KAZN: variants seen among roughly 807,000 people sequenced by gnomAD.
The protein encoded by KAZN is kazrin.
Under a neutral mutation model 87.4 loss-of-function variants are expected in KAZN, and 40 were observed. The observed-to-expected ratio is 0.46, with a 90% CI of 0.36 to 0.60. The LOEUF is 0.60. KAZN is among the 20% of genes least tolerant of loss of function. The probability of loss-of-function intolerance (pLI) is 0.00; values close to 1 mark genes in which losing one functional copy is unlikely to be tolerated. For missense variants in KAZN, 898 were observed against 1,073.9 expected, an observed-to-expected ratio of 0.84 and a Z score of 2.29; for synonymous variants, 466 against 458.3, an observed-to-expected ratio of 1.02 and a Z score of -0.22.
At chr1:14,055,356 A>G (rs1418461083) in intron 1 of KAZN, among the ~76,000 whole-genome samples, 2 of 152,192 alleles carry the variant, frequency 1.3e-5, no homozygotes, top group Non-Finnish European at 2.9e-5. Context: ...CTGACACATG[A>G]TTTAGAATAG....
At chr1:14,080,844 C>G (rs759934768) in intron 1 of KAZN, among the ~76,000 whole-genome samples, 1 of 152,136 alleles carries the variant, frequency 6.6e-6, no homozygotes, top group Non-Finnish European at 1.5e-5. Context: ...AAGTTTGACC[C>G]CCCCAGGGAA....
In KAZN at chr1:14,198,355, T is replaced by A. The variant is rs147189191; in HGVS notation, c.249+17763T>A. Among the ~76,000 whole-genome samples, 261 of 152,262 alleles carry A rather than the reference T, an allele frequency of 1.7e-3. 2 individuals carry two copies. The East Asian group carries it at 0.028, about 17-fold the overall frequency. On this transcript the variant is annotated intron_variant, in intron 2 of 16. Transcript: ENST00000636203. ...TGGCTCACACCTGTAATCCCAGCACTTTGGGAGGCTGAGGTGGGAGAATCA... is the reference window on the plus strand; with the variant it reads ...TGGCTCACACCTGTAATCCCAGCACATTGGGAGGCTGAGGTGGGAGAATCA...
intron 2 of KAZN, among the ~76,000 whole-genome samples, chr1:14,256,435 G>T (rs1650520100): frequency 1.3e-5 from 2 of 152,048 alleles, no homozygotes; most frequent in Admixed American, 1.3e-4. Context: ...AAGAAGGAAG[G>T]GAGAAAGTGA....
At chr1:14,746,680 A>T (rs892173578) in intron 1 of KAZN, among the ~76,000 whole-genome samples, 4 of 152,216 alleles carry the variant, frequency 2.6e-5, no homozygotes, top group African/African-American at 9.6e-5. Context: ...GATGGTGAGG[A>T]AAGCAGCTCT....
chr1:15,046,297 C>CAAAAAAAAAAAA (rs55932579), intron 4 of KAZN, among the ~76,000 whole-genome samples: 8 of 134,318 alleles, frequency 6.0e-5, no homozygotes, highest in East Asian at 2.2e-4. Flanking sequence ...GACTCCGTCT[C>CAAAAAAAAAAAA]AAAAAAAAAA....
chr1:13,893,599 C>A (rs1638919383), exon 1 of KAZN: 2 of 1,530,124 alleles, frequency 1.3e-6, no homozygotes, highest in Non-Finnish European at 1.8e-6. Context: ...CGACGGCATC[C>A]TTTGCTCTGA....
chr1:14,553,145 C>T (rs978238075), intron 2 of KAZN, among the ~76,000 whole-genome samples: 15 of 152,096 alleles, frequency 9.9e-5, no homozygotes, highest in African/African-American at 3.4e-4. Context: ...GAAGCCGAGG[C>T]GGGCAGATCA....
intron 2 of KAZN, among the ~76,000 whole-genome samples, chr1:14,196,262 AG>A (rs2100384428): frequency 6.6e-6 from 1 of 152,300 alleles, no homozygotes; most frequent in East Asian, 1.9e-4. Flanking sequence ...GCTGAACAAA[AG>A]GGGGAGCCTA....
At chr1:14,566,242 T>A (rs1013180272) in intron 2 of KAZN, among the ~76,000 whole-genome samples, 1 of 152,236 alleles carries the variant, frequency 6.6e-6, no homozygotes, top group Non-Finnish European at 1.5e-5. Context: ...TATGTCCCCA[T>A]CAAAGCTCTT....
chr1:14,540,288 C>A (rs1003626038), intron 2 of KAZN, among the ~76,000 whole-genome samples: 1 of 152,180 alleles, frequency 6.6e-6, no homozygotes, highest in Non-Finnish European at 1.5e-5. Context: ...ATGTTGAATA[C>A]CCCTGCAGTT....
At chr1:14,532,908 G>A (rs1212742702) in intron 2 of KAZN, among the ~76,000 whole-genome samples, 5 of 151,856 alleles carry the variant, frequency 3.3e-5, no homozygotes, top group African/African-American at 1.2e-4. Flanking sequence ...CTTTGCTATT[G>A]TGAATAGTGC....
At chr1:14,576,640 G>C (rs1232583949) in intron 2 of KAZN, among the ~76,000 whole-genome samples, 1 of 152,210 alleles carries the variant, frequency 6.6e-6, no homozygotes, top group Non-Finnish European at 1.5e-5. Context: ...CTTGGTTTCT[G>C]TGAAAGTCTT....
At chr1:14,501,060 C>T (rs932276630) in intron 2 of KAZN, among the ~76,000 whole-genome samples, 1 of 146,788 alleles carries the variant, frequency 6.8e-6, no homozygotes, top group African/African-American at 2.5e-5. Context: ...TTTTTCATAA[C>T]CTAAAAAGAG....
intron 1 of KAZN, among the ~76,000 whole-genome samples, chr1:14,955,280 T>C (rs183778377): frequency 3.3e-5 from 5 of 152,364 alleles, no homozygotes; most frequent in East Asian, 1.9e-4. Context: ...GCCAGGCACA[T>C]GTAAGCGCTT....
intron 2 of KAZN, among the ~76,000 whole-genome samples, chr1:14,988,949 T>G (rs1667095578): frequency 6.6e-6 from 1 of 152,224 alleles, no homozygotes; most frequent in African/African-American, 2.4e-5. Context: ...GCACATGACC[T>G]TGTCTGGTAG....
At chr1:14,080,168 GA>G (rs762248467) in intron 1 of KAZN, among the ~76,000 whole-genome samples, 268 of 152,306 alleles carry the variant, frequency 1.8e-3, no homozygotes, top group Non-Finnish European at 3.3e-3. Flanking sequence ...TTGACAAGAG[GA>G]AAACAAACAA....
intron 2 of KAZN, among the ~76,000 whole-genome samples, chr1:14,490,723 C>A (rs1669603582): frequency 6.6e-6 from 1 of 152,042 alleles, no homozygotes; most frequent in Non-Finnish European, 1.5e-5. Context: ...GCAACTAATT[C>A]TATTTCTATG....
At chr1:14,831,152 G>A (rs542465000) in intron 1 of KAZN, among the ~76,000 whole-genome samples, 9 of 152,300 alleles carry the variant, frequency 5.9e-5, no homozygotes, top group South Asian at 2.1e-4. Context: ...GAGCCACCAC[G>A]CCTGCCCAAT....
intron 2 of KAZN, among the ~76,000 whole-genome samples, chr1:14,513,181 T>C (rs193164308): frequency 8.1e-4 from 124 of 152,280 alleles, no homozygotes; most frequent in Admixed American, 1.8e-3. Context: ...CTTCTGCCTT[T>C]AGGAAAAGGA....
Sources: gnomAD v4.1 joint callset for allele counts (sites outside exome capture counted in the v4.1 genomes callset) on GRCh38, gnomAD v4.1.1 for gene constraint, MANE v1.5 for transcripts, NCBI Gene and HGNC (gene_info 2026-07-23, HGNC 2026-07-21) for gene names.